The following ADAM32 variants were observed in gnomAD, a reference collection of about 807,000 sequenced individuals.
ADAM32 encodes ADAM metallopeptidase domain 32.
In ADAM32, 89 loss-of-function variants were observed where a neutral mutation model predicts 114.9. The observed-to-expected ratio is 0.77, with a 90% CI of 0.65 to 0.92. The LOEUF (loss-of-function observed/expected upper bound fraction) is 0.92. Ranked by LOEUF, ADAM32 falls within the 40% of genes least tolerant of loss-of-function variation. The pLI is 0.00. For missense variants in ADAM32, 870 were observed against 932.8 expected (o/e 0.93, Z 0.88); for synonymous variants, 285 against 307.5 (o/e 0.93, Z 0.77).
chr8:39,243,682 A>T (rs1019641351), intron 16 of ADAM32, among the ~76,000 whole-genome samples: 1 of 152,222 alleles, frequency 6.6e-6, no homozygotes, highest in African/African-American at 2.4e-5. Context: ...TGTACTGAAT[A>T]GGGAAAAGTT....
chr8:39,256,240 C>G (rs968867508), intron 18 of ADAM32, among the ~76,000 whole-genome samples: 3 of 151,964 alleles, frequency 2.0e-5, no homozygotes, highest in Non-Finnish European at 4.4e-5. Context: ...TTTCTCTTTA[C>G]TGATATCATT....
chr8:39,223,874 A>G (rs1387451769), intron 14 of ADAM32: 2 of 152,132 alleles, frequency 1.3e-5, no homozygotes, highest in Non-Finnish European at 2.9e-5. Context: ...TAGATTGTAT[A>G]TATAAGTGAG....
intron 19 of ADAM32, among the ~76,000 whole-genome samples, chr8:39,259,786 T>C (rs1229951994): frequency 6.6e-6 from 1 of 152,228 alleles, no homozygotes; most frequent in Non-Finnish European, 1.5e-5. Context: ...GACAAAAAGT[T>C]GCAAAAATTG....
chr8:39,138,073 A>T (rs375074608), intron 3 of ADAM32, among the ~76,000 whole-genome samples: 2 of 152,210 alleles, frequency 1.3e-5, no homozygotes, highest in Non-Finnish European at 2.9e-5. Flanking sequence ...CCTAACGACC[A>T]TTAGGAAGCT....
intron 11 of ADAM32, among the ~76,000 whole-genome samples, chr8:39,207,037 C>T (rs1027875097): frequency 6.6e-6 from 1 of 152,046 alleles, no homozygotes; most frequent in Non-Finnish European, 1.5e-5. Context: ...GGCACTGTCC[C>T]ACCGCTAGGA....
At chr8:39,127,825 A>G (rs1464147163) in intron 2 of ADAM32, among the ~76,000 whole-genome samples, 1 of 151,796 alleles carries the variant, frequency 6.6e-6, no homozygotes, top group Admixed American at 6.6e-5. Flanking sequence ...AGTGCTATAA[A>G]TCTCCCTCTT....
At chr8:39,284,768 C>T (rs201270209) in intron 24 of ADAM32, 25 bp from the exon 25 acceptor site, 786 of 1,613,388 alleles carry the variant, frequency 4.9e-4, no homozygotes, top group Non-Finnish European at 5.9e-4. Context: ...ACTTTGAGCA[C>T]GTGTTTTTTT....
chr8:39,136,047 T>C (rs1281592184), intron 2 of ADAM32, among the ~76,000 whole-genome samples: 1 of 152,222 alleles, frequency 6.6e-6, no homozygotes, highest in Non-Finnish European at 1.5e-5. Flanking sequence ...TTTTAACTAA[T>C]TTTTTCTCTG....
chr8:39,202,111 G>C (rs1001931962), intron 11 of ADAM32, among the ~76,000 whole-genome samples: 1 of 152,160 alleles, frequency 6.6e-6, no homozygotes, highest in African/African-American at 2.4e-5. Flanking sequence ...ATCTCTGCCA[G>C]GCTTTGGTAT....
chr8:39,276,156 G>T (rs543609095), intron 22 of ADAM32: 3 of 304,148 alleles, frequency 9.9e-6, no homozygotes, highest in Admixed American at 5.0e-5. Flanking sequence ...TCATAAAAAG[G>T]ATCTTTTTGT....
At chr8:39,116,645 A>G (rs903365919) in intron 1 of ADAM32, among the ~76,000 whole-genome samples, 4 of 152,154 alleles carry the variant, frequency 2.6e-5, no homozygotes, top group Admixed American at 1.3e-4. Flanking sequence ...GGCAGAAACT[A>G]TAGGGTTTTC....
Position 39,169,972 on chromosome 8 carries a change from C to G in ADAM32, c.890C>G (p.Thr297Ser). Residue 297 changes from threonine to serine, a missense_variant, in exon 10 of 25, where the codon ACT becomes AGT. By Grantham distance (58) the Thr-to-Ser change is moderately conservative (BLOSUM62 1). Coordinates refer to ENST00000379907, the MANE Select transcript of ADAM32 (RefSeq NM_145004.7). ...GAVFPGTMCI[T>S]RYSAGVALYP... ...GTGTTTCCTGGAACAATGTGTATTA[C>G]TCGTTATTCTGCAGGAGTTGCATTG... The G allele has an allele frequency of 6.3e-7, 1 of 1,599,022 alleles. No homozygotes were observed. The highest frequency in any genetic ancestry group is 1.3e-5 in the African/African-American group (1 of 74,832).
At chr8:39,183,851 G>T (rs750057923) in intron 10 of ADAM32, among the ~76,000 whole-genome samples, 22 of 152,198 alleles carry the variant, frequency 1.4e-4, no homozygotes, top group Non-Finnish European at 2.5e-4. Flanking sequence ...AAACAATAGT[G>T]TGTGGTGATG....
chr8:39,152,634 T>C lies in ADAM32; in HGVS notation c.525+1086T>C, dbSNP rs570890594. Among the ~76,000 whole-genome samples, 4 of 150,404 alleles carry C rather than the reference T, an allele frequency of 2.7e-5. No individual in the cohort carries two copies. The East Asian group carries it at 7.8e-4, about 29-fold the overall frequency. On this transcript the variant is annotated intron_variant, in intron 6 of 24. Transcript: ENST00000379907. ...CTACTCGGGAGCGGAGGCTGAAGAATTGTTTGAACCTGGGAGGTGGAGGTT... is the reference window on the plus strand; with the variant it reads ...CTACTCGGGAGCGGAGGCTGAAGAACTGTTTGAACCTGGGAGGTGGAGGTT...
chr8:39,275,753 C>T (rs553034508), intron 21 of ADAM32, 75 bp from the exon 22 acceptor site: 118 of 1,365,232 alleles, frequency 8.6e-5, no homozygotes, highest in Middle Eastern at 1.8e-4. Context: ...TAAAATGATC[C>T]GACATTCATT....
chr8:39,181,348 G>A (rs1805877373), intron 10 of ADAM32, among the ~76,000 whole-genome samples: 1 of 152,016 alleles, frequency 6.6e-6, no homozygotes, highest in Admixed American at 6.5e-5. Flanking sequence ...CACTGCGAAC[G>A]TCTGCAGCTT....
chr8:39,200,122 T>G (rs1807297918), intron 11 of ADAM32, among the ~76,000 whole-genome samples: 1 of 152,226 alleles, frequency 6.6e-6, no homozygotes, highest in Admixed American at 6.5e-5. Context: ...TTTATAATCC[T>G]TTGGGTATAT....
intron 14 of ADAM32, among the ~76,000 whole-genome samples, chr8:39,225,788 A>AG (rs1809322694): frequency 6.7e-6 from 1 of 150,190 alleles, no homozygotes; most frequent in Admixed American, 6.6e-5. Flanking sequence ...ATGGAGTAAG[A>AG]TTTTTTTTTT....
chr8:39,221,315 A>T (rs1433846683), intron 12 of ADAM32: 3 of 231,824 alleles, frequency 1.3e-5, no homozygotes, highest in Non-Finnish European at 2.5e-5. Context: ...ATGTATTTTT[A>T]TAGGTAGCAT....
Sources: allele counts gnomAD v4.1 joint callset (sites outside exome capture counted in the v4.1 genomes callset), GRCh38; gene constraint gnomAD v4.1.1; transcripts MANE v1.5; gene names NCBI Gene and HGNC (gene_info 2026-07-23, HGNC 2026-07-21).